KIAA0753: variants seen among roughly 807,000 people sequenced by gnomAD.
KIAA0753 encodes the protein KIAA0753, also known as protein moonraker.
KIAA0753 carries 114 observed loss-of-function variants against 116.9 expected under a neutral mutation model. That is an observed-to-expected ratio of 0.98 (90% CI 0.84 to 1.14). The LOEUF is 1.14. Among genes scored for constraint, KIAA0753 ranks in the 50% most tolerant of loss-of-function variants. The pLI is 0.00. For missense variants in KIAA0753, 1,156 were observed against 1,172.4 expected, an observed-to-expected ratio of 0.99 and a Z score of 0.20; for synonymous variants, 405 against 413.1, an observed-to-expected ratio of 0.98 and a Z score of 0.24.
At chr17:6,582,163 A>G (rs1968227112) in intron 18 of KIAA0753, among the ~76,000 whole-genome samples, 2 of 152,194 alleles carry the variant, frequency 1.3e-5, no homozygotes, top group Admixed American at 6.5e-5. Context: ...TATTTGACCA[A>G]TCCTAAAATA....
chr17:6,606,628 A>T (rs549152460), intron 12 of KIAA0753, among the ~76,000 whole-genome samples: 122 of 152,344 alleles, frequency 8.0e-4, no homozygotes, highest in Non-Finnish European at 1.2e-3. Context: ...AATACACATA[A>T]GACTCTGATC....
At chr17:6,596,933 C>A (rs1969527195) in intron 14 of KIAA0753, among the ~76,000 whole-genome samples, 1 of 152,180 alleles carries the variant, frequency 6.6e-6, no homozygotes, top group South Asian at 2.1e-4. Context: ...ATAATCTGCC[C>A]TGAAAGAGGC....
intron 13 of KIAA0753, among the ~76,000 whole-genome samples, chr17:6,599,924 T>C (rs1158186285): frequency 1.3e-5 from 2 of 152,152 alleles, no homozygotes; most frequent in African/African-American, 4.8e-5. Flanking sequence ...TATGGGAGGA[T>C]GGCACAACCT....
At chr17:6,589,238 C>T (rs908231597) in intron 18 of KIAA0753, among the ~76,000 whole-genome samples, 3 of 152,148 alleles carry the variant, frequency 2.0e-5, no homozygotes, top group African/African-American at 4.8e-5. Flanking sequence ...GGGATCAGTG[C>T]CCTTCTGAGA....
intron 7 of KIAA0753, among the ~76,000 whole-genome samples, chr17:6,614,855 G>C (rs1004812110): frequency 1.3e-5 from 2 of 152,232 alleles, no homozygotes; most frequent in Non-Finnish European, 2.9e-5. Context: ...CTGGAGTGCA[G>C]TAGTGTGATC....
rs1567565285 is a variant in KIAA0753 at position 6,612,160 on chromosome 17, T to C, written c.1316-12A>G. The C allele has an allele frequency of 1.9e-6, 3 of 1,589,748 alleles. No homozygotes were observed. Among genetic ancestry groups the C allele is most frequent in the Non-Finnish European group, 2.6e-6 (3 of 1,166,768 alleles). ...GGGCTGATACTTATCTACATGGAAA[T>C]TTTTGAAAAACAAACTGAGGAAAAT... On this transcript the variant is annotated splice_polypyrimidine_tract_variant and intron_variant, in intron 7 of 18. Coordinates refer to ENST00000361413, the MANE Select transcript of KIAA0753 (RefSeq NM_014804.3).
At chr17:6,589,740 A>G (rs1012967518) in intron 18 of KIAA0753, 39 bp downstream of exon 18, 7 of 1,524,876 alleles carry the variant, frequency 4.6e-6, no homozygotes, top group African/African-American at 4.2e-5. Flanking sequence ...AAATTTTGCA[A>G]TTTGGTTCCT....
chr17:6,602,046 A>G (rs145817350), intron 12 of KIAA0753, among the ~76,000 whole-genome samples: 3 of 152,240 alleles, frequency 2.0e-5, no homozygotes, highest in African/African-American at 4.8e-5. Flanking sequence ...GCCTTCAAGG[A>G]AACACAAATT....
intron 6 of KIAA0753, 107 bp downstream of exon 6, chr17:6,622,775 C>T: frequency 2.2e-6 from 2 of 928,598 alleles, no homozygotes; most frequent in Middle Eastern, 5.4e-4. Flanking sequence ...CTTTAATTCA[C>T]TAGGTAATGG....
In KIAA0753 at chr17:6,579,464, T is replaced by G; in HGVS notation, c.*283A>C. 1 of 318,224 alleles carries G rather than the reference T, an allele frequency of 3.1e-6. No homozygotes were observed. The highest frequency in any genetic ancestry group is 5.9e-6 in the Non-Finnish European group (1 of 169,476). The allele number at this position is 318,224 out of a possible 1,614,324, so 19.7% of individuals were successfully genotyped here. On this transcript the variant is annotated 3_prime_UTR_variant, in exon 19 of 19. Transcript: ENST00000361413. ...TGAGCCAGAGGAATGAACATGGTAT[T>G]TCAATAGGAAAAGTACACATTCTGA... is the stretch of plus-strand genomic sequence containing the variant.
chr17:6,594,987 G>T lies in KIAA0753; in HGVS notation c.2425C>A (p.Gln809Lys), dbSNP rs747726984. 1.2e-6 allele frequency: 2 copies of T among 1,610,120 alleles called. No homozygotes were observed. Among genetic ancestry groups the T allele is most frequent in the South Asian group, 2.2e-5 (2 of 90,758 alleles). ...IAYADPRLWMQEENNDQKISA... is the reference protein window; with the variant it reads ...IAYADPRLWMKEENNDQKISA... ...AAACACTCACCATTGTTTTCTTCCT[G>T]CATCCAAAGTCGAGGATCAGCATAT... The change falls in exon 16 of 19, where the codon CAG becomes AAG. Residue 809 changes from glutamine (Q) to lysine (K), a missense_variant. Physicochemically the swap from Gln to Lys is moderately conservative, Grantham distance 53. Coordinates refer to ENST00000361413, the MANE Select transcript of KIAA0753 (RefSeq NM_014804.3).
At chr17:6,596,366 G>A (rs747543697) in intron 14 of KIAA0753, 23 bp from the exon 15 acceptor site, 250 of 1,278,786 alleles carry the variant, frequency 2.0e-4, no homozygotes, top group Non-Finnish European at 2.5e-4. Flanking sequence ...GTGGGGTGGG[G>A]AGGAGAGGCA....
intron 12 of KIAA0753, 44 bp from the exon 13 acceptor site, chr17:6,600,502 A>C: frequency 1.4e-6 from 2 of 1,471,290 alleles, no homozygotes; most frequent in Non-Finnish European, 1.9e-6. Flanking sequence ...AGGCAATAAA[A>C]TATCCTATTT....
intron 7 of KIAA0753, among the ~76,000 whole-genome samples, chr17:6,620,045 T>A (rs1214316830): frequency 1.3e-5 from 2 of 152,176 alleles, no homozygotes; most frequent in African/African-American, 4.8e-5. Context: ...TCCTAACATA[T>A]ACATCCATAA....
Position 6,610,127 on chromosome 17 carries a change from G to A in KIAA0753, c.1579C>T (p.Gln527Ter), listed in dbSNP as rs1970435533. The A allele has an allele frequency of 1.2e-6, 2 of 1,613,996 alleles. No individual in the cohort carries two copies. Among genetic ancestry groups the A allele is most frequent in the South Asian group, 2.2e-5 (2 of 91,078 alleles). ...LRKAERGRQSQPHSKSRVQQT... is the reference protein window; with the variant it reads ...LRKAERGRQS ...TGCACTCTGCTTTTACTGTGAGGTT[G>A]GCTTTGTCTACCTCTTTCAGCTTTG... Residue 527 changes from glutamine to a stop codon, truncating the protein, a stop_gained, in exon 9 of 19, where the codon CAA becomes TAA. Transcript: ENST00000361413. LOFTEE classifies it high-confidence loss of function.
chr17:6,600,832 C>T (rs1969817650), intron 12 of KIAA0753: 1 of 174,010 alleles, frequency 5.7e-6, no homozygotes, highest in Admixed American at 5.6e-5. Context: ...TAATTTTGTT[C>T]CCTCTCCAAA....
chr17:6,596,284 A>G lies in KIAA0753; in HGVS notation c.2232T>C (p.Asp744=), dbSNP rs763350207. The G allele has an allele frequency of 5.0e-6, 8 of 1,613,156 alleles. No homozygotes were observed. In the African/African-American group the frequency reaches 6.7e-5, roughly 13 times the overall value. ...TCACAGCCCAGAGCTCACTGGCACA[A>G]TCTTCCAAAAAATCATCAAGCTGAC... The part of the protein sequence containing the change: ...NIRQLDDFLE[D]CASELWAVTH... The change falls in exon 15 of 19, where the codon GAT becomes GAC. Residue 744 remains aspartate (D), a synonymous_variant. Transcript: ENST00000361413.
chr17:6,612,025 T>C lies in KIAA0753; in HGVS notation c.1439A>G (p.Lys480Arg). The change falls in exon 8 of 19, where the codon AAA (lysine) becomes AGA (arginine). Residue 480 changes from lysine to arginine, a missense_variant. Physicochemically the swap from Lys to Arg is conservative, Grantham distance 26 (BLOSUM62 2). Transcript: ENST00000361413. ...PFILDQSASF[K>R]DEVLAVAKTK... The stretch of plus-strand genomic sequence containing the variant: ...TTTTGCCACGGCTAACACCTCGTCT[T>C]TGAAGCTTGCACTTTGGTCTAGAAT... The C allele has an allele frequency of 6.2e-7, 1 of 1,614,178 alleles. No homozygotes were observed. The highest frequency in any genetic ancestry group is 1.1e-5 in the South Asian group (1 of 91,080).
intron 6 of KIAA0753, among the ~76,000 whole-genome samples, chr17:6,622,347 G>C (rs1345794801): frequency 6.6e-6 from 1 of 152,216 alleles, no homozygotes; most frequent in Non-Finnish European, 1.5e-5. Context: ...AAACTTCAGA[G>C]AGCTATAAAA....
Sources: gnomAD v4.1 joint callset for allele counts (sites outside exome capture counted in the v4.1 genomes callset) on GRCh38, gnomAD v4.1.1 for gene constraint, MANE v1.5 for transcripts, NCBI Gene and HGNC (gene_info 2026-07-23, HGNC 2026-07-21) for gene names.